RIT2: variants seen among roughly 807,000 people sequenced by gnomAD.
RIT2 encodes the protein Ras like without CAAX 2, also known as GTP-binding protein Rit2.
In RIT2, 24 loss-of-function variants were observed where a neutral mutation model predicts 23.7. The observed-to-expected ratio is 1.01, with a 90% CI of 0.73 to 1.43. RIT2 has a LOEUF of 1.43. Among genes scored for constraint, RIT2 ranks in the 40% most tolerant of loss-of-function variants. The pLI, the probability that RIT2 is intolerant of heterozygous loss-of-function variation, is 0.00. For missense variants in RIT2, 236 were observed against 266.9 expected, an observed-to-expected ratio of 0.88 and a Z score of 0.81; for synonymous variants, 107 against 91.1, an observed-to-expected ratio of 1.17 and a Z score of -0.99.
chr18:42,821,012 T>C (rs1906132791), intron 4 of RIT2, among the ~76,000 whole-genome samples: 1 of 152,084 alleles, frequency 6.6e-6, no homozygotes, highest in Admixed American at 6.6e-5. Flanking sequence ...TCTTTCTATA[T>C]GACACTCCTG....
At chr18:43,089,456 G>A (rs189528633) in intron 1 of RIT2, among the ~76,000 whole-genome samples, 16 of 152,034 alleles carry the variant, frequency 1.1e-4, no homozygotes, top group African/African-American at 3.6e-4. Flanking sequence ...AACATTCCAA[G>A]GTCATGGATA....
intron 4 of RIT2, among the ~76,000 whole-genome samples, chr18:42,796,252 C>T (rs558222743): frequency 5.8e-4 from 88 of 152,230 alleles, no homozygotes; most frequent in Non-Finnish European, 2.6e-4. Flanking sequence ...CAACTCCAGA[C>T]GCGCTGCCTT....
At chr18:43,080,347 G>T (rs939200918) in intron 1 of RIT2, among the ~76,000 whole-genome samples, 1 of 152,230 alleles carries the variant, frequency 6.6e-6, no homozygotes, top group African/African-American at 2.4e-5. Context: ...ATTAGTGACA[G>T]ATAAAGGAGT....
intron 2 of RIT2, among the ~76,000 whole-genome samples, chr18:43,006,797 T>A (rs896325284): frequency 6.6e-6 from 1 of 151,516 alleles, no homozygotes; most frequent in South Asian, 2.1e-4. Context: ...AAAACTATAA[T>A]TCAAGATGAT....
chr18:42,926,610 A>G (rs1461729859), intron 3 of RIT2, among the ~76,000 whole-genome samples: 1 of 151,986 alleles, frequency 6.6e-6, no homozygotes, highest in Non-Finnish European at 1.5e-5. Context: ...TACAGAAGGC[A>G]ACATTCACAG....
chr18:42,837,088 T>G (rs969154106), intron 4 of RIT2, among the ~76,000 whole-genome samples: 1 of 150,580 alleles, frequency 6.6e-6, no homozygotes, highest in Non-Finnish European at 1.5e-5. Flanking sequence ...ACAATTCAAC[T>G]GATTATGCCC....
At chr18:42,836,708 G>T (rs1906613260) in intron 4 of RIT2, among the ~76,000 whole-genome samples, 1 of 152,176 alleles carries the variant, frequency 6.6e-6, no homozygotes, top group Non-Finnish European at 1.5e-5. Context: ...GCTGAGTAAA[G>T]TAATGTTCAC....
At chr18:43,103,798 A>G (rs1360644402) in intron 1 of RIT2, among the ~76,000 whole-genome samples, 2 of 152,228 alleles carry the variant, frequency 1.3e-5, no homozygotes, top group Non-Finnish European at 2.9e-5. Flanking sequence ...GTTGGAATAA[A>G]GTAAGATATC....
intron 2 of RIT2, among the ~76,000 whole-genome samples, chr18:42,999,090 C>A (rs981823433): frequency 6.6e-6 from 1 of 151,982 alleles, no homozygotes; most frequent in African/African-American, 2.4e-5. Context: ...ACCCCTTTCC[C>A]GTCTCGAAGA....
intron 4 of RIT2, among the ~76,000 whole-genome samples, chr18:42,907,657 A>C (rs139539184): frequency 6.6e-6 from 1 of 152,312 alleles, no homozygotes; most frequent in African/African-American, 2.4e-5. Flanking sequence ...TGATACCAAT[A>C]TCAAGACTAT....
At chr18:43,042,625 C>G (rs1912154755) in intron 1 of RIT2, among the ~76,000 whole-genome samples, 1 of 152,168 alleles carries the variant, frequency 6.6e-6, no homozygotes, top group Admixed American at 6.5e-5. Context: ...TTGGAACTCC[C>G]TATGTTCCCT....
intron 2 of RIT2, among the ~76,000 whole-genome samples, chr18:42,994,413 T>G (rs2144232697): frequency 6.6e-6 from 1 of 152,270 alleles, no homozygotes; most frequent in East Asian, 1.9e-4. Context: ...CTTTCCTTCC[T>G]AGGCATGGTT....
At chr18:43,037,032 TAAG>T (rs1378513627) in intron 1 of RIT2, among the ~76,000 whole-genome samples, 1 of 152,216 alleles carries the variant, frequency 6.6e-6, no homozygotes, top group East Asian at 1.9e-4. Context: ...AGCAACTTCA[TAAG>T]AAACTCAAAC....
At chr18:42,941,465 G>T (rs779343131) in intron 3 of RIT2, among the ~76,000 whole-genome samples, 3 of 151,896 alleles carry the variant, frequency 2.0e-5, no homozygotes, top group African/African-American at 4.8e-5. Context: ...ACTGTTTGCC[G>T]CCCATAGATA....
intron 1 of RIT2, among the ~76,000 whole-genome samples, chr18:43,097,644 C>T (rs1410411792): frequency 6.6e-6 from 1 of 151,890 alleles, no homozygotes; most frequent in Non-Finnish European, 1.5e-5. Context: ...AAAACAATAA[C>T]TCCCATTGGC....
At chr18:42,997,104 C>A (rs2144236438) in intron 2 of RIT2, among the ~76,000 whole-genome samples, 1 of 152,196 alleles carries the variant, frequency 6.6e-6, no homozygotes, top group East Asian at 1.9e-4. Context: ...GAGCAAAAGA[C>A]AAGGACACAT....
chr18:43,018,360 CTT>C (rs71175932), intron 2 of RIT2, among the ~76,000 whole-genome samples: 41 of 149,814 alleles, frequency 2.7e-4, no homozygotes, highest in East Asian at 9.8e-4. Context: ...TCTGTTTCTG[CTT>C]TTTTTTTTTA....
At chr18:42,765,046 A>G (rs1388604397) in intron 4 of RIT2, among the ~76,000 whole-genome samples, 1 of 152,164 alleles carries the variant, frequency 6.6e-6, no homozygotes, top group Admixed American at 6.5e-5. Flanking sequence ...TTTCTTCTCA[A>G]TGGGGATTGG....
chr18:43,073,946 A>G (rs62092707), intron 1 of RIT2, among the ~76,000 whole-genome samples: 13,607 of 152,162 alleles, frequency 0.089, 694 homozygotes, highest in East Asian at 0.19. Context: ...ATGAGAGAAA[A>G]TGTTGTTATC....
Sources: allele counts gnomAD v4.1 joint callset (sites outside exome capture counted in the v4.1 genomes callset), GRCh38; gene constraint gnomAD v4.1.1; transcripts MANE v1.5; gene names NCBI Gene and HGNC (gene_info 2026-07-23, HGNC 2026-07-21).